Variants in HYDIN observed in about 807,000 individuals in gnomAD.
HYDIN encodes HYDIN axonemal central pair apparatus protein.
A neutral mutation model predicts 403.9 loss-of-function variants in HYDIN; 132 were observed. The ratio of observed to expected loss-of-function variants is 0.33; its 90% CI spans 0.28 to 0.38. The LOEUF (loss-of-function observed/expected upper bound fraction) is 0.38. Among genes scored for constraint, HYDIN ranks in the 10% least tolerant of loss-of-function variants. The pLI, the probability that HYDIN is intolerant of heterozygous loss-of-function variation, is 1.00. For missense variants in HYDIN, 2,827 were observed against 5,009.5 expected (o/e 0.56, Z 13.15); for synonymous variants, 1,202 against 1,891.7 (o/e 0.64, Z 9.46).
At chr16:71,054,486 G>T (rs1431823710) in intron 18 of HYDIN, among the ~76,000 whole-genome samples, 1 of 152,066 alleles carries the variant, frequency 6.6e-6, no homozygotes, top group Admixed American at 6.6e-5. Context: ...CTGTAGCATG[G>T]AATCTTCTAA....
chr16:70,887,530 C>T (rs1165454874), intron 58 of HYDIN, among the ~76,000 whole-genome samples: 1 of 151,974 alleles, frequency 6.6e-6, no homozygotes, highest in African/African-American at 2.4e-5. Context: ...ACAGCCCTTC[C>T]AACACCTTGA....
At chr16:71,223,651 C>T (rs962053408) in intron 1 of HYDIN, among the ~76,000 whole-genome samples, 1 of 151,650 alleles carries the variant, frequency 6.6e-6, no homozygotes, top group African/African-American at 2.4e-5. Context: ...AACAAATAAT[C>T]CCTTCAAAAA....
chr16:71,065,857 C>G (rs1382365950), intron 15 of HYDIN, among the ~76,000 whole-genome samples: 1 of 152,172 alleles, frequency 6.6e-6, no homozygotes, highest in Non-Finnish European at 1.5e-5. Flanking sequence ...GTTCTAAAAG[C>G]AATTCTTCTG....
At chr16:71,204,350 C>T (rs1203347673) in intron 1 of HYDIN, among the ~76,000 whole-genome samples, 1 of 152,178 alleles carries the variant, frequency 6.6e-6, no homozygotes, top group Non-Finnish European at 1.5e-5. Flanking sequence ...CTCATTGACA[C>T]TTCCATGGCT....
At chr16:70,966,257 T>C (rs1356816056) in intron 36 of HYDIN, among the ~76,000 whole-genome samples, 1 of 152,054 alleles carries the variant, frequency 6.6e-6, no homozygotes, top group African/African-American at 2.4e-5. Flanking sequence ...AGTCTTAGAT[T>C]GTGCTTTCCA....
At chr16:70,820,307 C>T (rs1284039854) in intron 83 of HYDIN, among the ~76,000 whole-genome samples, 2 of 146,546 alleles carry the variant, frequency 1.4e-5, no homozygotes, top group Non-Finnish European at 3.0e-5. Flanking sequence ...TCTCCTGCTT[C>T]AGCCTCCCAA....
chr16:71,229,977 G>C (rs972599222), intron 1 of HYDIN, among the ~76,000 whole-genome samples: 1 of 152,102 alleles, frequency 6.6e-6, no homozygotes, highest in African/African-American at 2.4e-5. Context: ...TGAGTCTGAC[G>C]AGATTTGATG....
At chr16:71,173,110 C>CT (rs2086535530) in intron 5 of HYDIN, among the ~76,000 whole-genome samples, 2 of 152,212 alleles carry the variant, frequency 1.3e-5, no homozygotes, top group Non-Finnish European at 2.9e-5. Context: ...GAAAACAACT[C>CT]TGTCTTTTGA....
At chr16:71,010,412 C>A (rs715411) in intron 23 of HYDIN, among the ~76,000 whole-genome samples, 15 of 152,202 alleles carry the variant, frequency 9.9e-5, no homozygotes, top group East Asian at 3.8e-4. Context: ...ACCTCCCCAC[C>A]TCCTGAAATG....
At chr16:70,969,121 A>G (rs2078667542) in intron 36 of HYDIN, among the ~76,000 whole-genome samples, 1 of 152,090 alleles carries the variant, frequency 6.6e-6, no homozygotes, top group Non-Finnish European at 1.5e-5. Flanking sequence ...TAAAAAAAAG[A>G]AAAGAGCCTC....
intron 73 of HYDIN, chr16:70,852,765 C>A (rs1242840591): frequency 6.6e-6 from 1 of 152,250 alleles, no homozygotes; most frequent in Non-Finnish European, 1.5e-5. Context: ...TCAGGCCTGA[C>A]AACACACATA....
intron 20 of HYDIN, chr16:71,027,051 T>C: frequency 1.3e-6 from 1 of 773,508 alleles, no homozygotes; most frequent in Non-Finnish European, 1.6e-6. Flanking sequence ...TTGGATCTAC[T>C]GAAATGTTTT....
intron 18 of HYDIN, among the ~76,000 whole-genome samples, chr16:71,034,104 C>T (rs1189748178): frequency 6.6e-6 from 1 of 151,490 alleles, no homozygotes; most frequent in East Asian, 1.9e-4. Flanking sequence ...AGTTTGGTAC[C>T]GCAGAAGAAG....
intron 18 of HYDIN, among the ~76,000 whole-genome samples, chr16:71,043,728 T>C (rs528781024): frequency 1.2e-4 from 18 of 152,220 alleles, no homozygotes; most frequent in Admixed American, 1.2e-3. Flanking sequence ...ATTTTTATGT[T>C]TTTGGTTTCT....
At position 70,862,819 on chromosome 16, in the gene HYDIN, G is replaced by T. The variant is rs556796923; in HGVS notation, c.11569+266C>A. ...CCAAGGGATCTATAATCTCCCACAA[G>T]GTTAAGACCTAAGAGACAAGATTCC... On this transcript the variant is annotated intron_variant, in intron 68 of 85. Transcript: ENST00000393567. Among the ~76,000 whole-genome samples, 20 of 151,362 alleles carry T rather than the reference G, an allele frequency of 1.3e-4. No individual in the cohort carries two copies. The South Asian group carries it at 4.0e-3, about 30-fold the overall frequency.
At chr16:70,997,561 C>G (rs2079570624) in intron 23 of HYDIN, among the ~76,000 whole-genome samples, 3 of 151,940 alleles carry the variant, frequency 2.0e-5, no homozygotes, top group Admixed American at 6.6e-5. Context: ...ACCTCTTCCT[C>G]CTGGCAGTGA....
At chr16:71,053,362 T>C (rs1488504143) in intron 18 of HYDIN, among the ~76,000 whole-genome samples, 2 of 152,260 alleles carry the variant, frequency 1.3e-5, no homozygotes, top group African/African-American at 4.8e-5. Context: ...AACTCTTGCC[T>C]ATGTACACAA....
rs2082951923 is a variant in HYDIN, at chr16:71,087,095, T to A, written c.1670+1206A>T. Among the ~76,000 whole-genome samples, 4 of 152,092 alleles carry A rather than the reference T, an allele frequency of 2.6e-5. No homozygotes were observed. The South Asian group carries it at 8.3e-4, about 32-fold the overall frequency. On this transcript the variant is annotated intron_variant, in intron 12 of 85. Transcript: ENST00000393567. ...GAAGAGAACGTAAATGTCTTGTGAATGTTTCAGATAAGTCTTGAGACTTAA... is the reference window on the plus strand; with the variant it reads ...GAAGAGAACGTAAATGTCTTGTGAAAGTTTCAGATAAGTCTTGAGACTTAA...
intron 43 of HYDIN, among the ~76,000 whole-genome samples, chr16:70,939,181 G>C (rs539846764): frequency 6.6e-6 from 1 of 152,152 alleles, no homozygotes; most frequent in Non-Finnish European, 1.5e-5. Context: ...CAAGGAAGGG[G>C]CCAGGAGCCA....
Sources: allele counts gnomAD v4.1 joint callset (sites outside exome capture counted in the v4.1 genomes callset), GRCh38; gene constraint gnomAD v4.1.1; transcripts MANE v1.5; gene names NCBI Gene and HGNC (gene_info 2026-07-23, HGNC 2026-07-21).